The following AUTS2 variants were observed in gnomAD, a reference collection of about 807,000 sequenced individuals.
AUTS2 encodes the protein activator of transcription and developmental regulator AUTS2.
AUTS2 carries 17 observed loss-of-function variants against 112.4 expected under a neutral mutation model. The ratio of observed to expected loss-of-function variants is 0.15; its 90% confidence interval spans 0.10 to 0.23. The LOEUF (loss-of-function observed/expected upper bound fraction) is 0.23, where lower values mean the gene tolerates loss of function less well. AUTS2 is among the 10% of genes least tolerant of loss of function. The pLI is 1.00. For missense variants in AUTS2, 1,510 were observed against 1,701.6 expected (o/e 0.89, Z 1.98); for synonymous variants, 751 against 702.7 (o/e 1.07, Z -1.09).
intron 5 of AUTS2, among the ~76,000 whole-genome samples, chr7:70,457,254 C>T (rs748062667): frequency 3.9e-5 from 6 of 152,172 alleles, no homozygotes; most frequent in African/African-American, 9.7e-5. Flanking sequence ...CACCTGTAAA[C>T]GGGGCTCACT....
chr7:70,169,304 G>A (rs993771640), intron 4 of AUTS2, among the ~76,000 whole-genome samples: 1 of 151,946 alleles, frequency 6.6e-6, no homozygotes, highest in Non-Finnish European at 1.5e-5. Flanking sequence ...GCAGTGTCGC[G>A]ATCTTGGCTC....
At chr7:70,004,285 T>TATGTGAATATATTATATATTCATATA (rs1799417160) in intron 2 of AUTS2, among the ~76,000 whole-genome samples, 21 of 132,968 alleles carry the variant, frequency 1.6e-4, no homozygotes, top group South Asian at 9.5e-4. Context: ...GAATGTGTTA[T>TATGTGAATATATTATATATTCATATA]ATATGAATAT....
In AUTS2 at chr7:70,670,917, G is replaced by A. The variant is rs552979772; in HGVS notation, c.691-27652G>A. ...CGGGGTGCGGTGGCTCACGCATGTA[G>A]TCCCAGCATTTTGGGAGGCCGAGGC... On this transcript the variant is annotated intron_variant, in intron 5 of 18. Coordinates refer to ENST00000342771, the MANE Select transcript of AUTS2 (RefSeq NM_015570.4). Among the ~76,000 whole-genome samples, 12 of 152,276 alleles carry A rather than the reference G, an allele frequency of 7.9e-5. No homozygotes were observed. In the East Asian group the frequency reaches 2.1e-3, roughly 27 times the overall value.
At chr7:69,733,579 G>A (rs1002562261) in intron 1 of AUTS2, among the ~76,000 whole-genome samples, 1 of 148,484 alleles carries the variant, frequency 6.7e-6, no homozygotes, top group Non-Finnish European at 1.5e-5. Context: ...ACCCCATTGA[G>A]ATGGTTTAAA....
At chr7:70,427,893 G>A (rs1452488470) in intron 4 of AUTS2, among the ~76,000 whole-genome samples, 4 of 152,180 alleles carry the variant, frequency 2.6e-5, no homozygotes, top group East Asian at 3.9e-4. Flanking sequence ...TATCAGTACC[G>A]AATTCCAGAG....
At chr7:70,321,328 A>G (rs1790243714) in intron 4 of AUTS2, among the ~76,000 whole-genome samples, 1 of 152,152 alleles carries the variant, frequency 6.6e-6, no homozygotes, top group South Asian at 2.1e-4. Context: ...AATTCAGCAT[A>G]TTTTCATATT....
chr7:69,953,831 C>G (rs1797117933), intron 2 of AUTS2, among the ~76,000 whole-genome samples: 1 of 152,174 alleles, frequency 6.6e-6, no homozygotes, highest in South Asian at 2.1e-4. Context: ...CCCCCAACTA[C>G]TTTCAGCTGG....
At chr7:70,623,973 C>A (rs985137800) in intron 5 of AUTS2, among the ~76,000 whole-genome samples, 1 of 152,224 alleles carries the variant, frequency 6.6e-6, no homozygotes, top group African/African-American at 2.4e-5. Context: ...GGGAGATACT[C>A]CCTCTCTCTG....
chr7:70,073,510 C>CAAAAA (rs778228658), intron 2 of AUTS2, among the ~76,000 whole-genome samples: 1 of 65,212 alleles, frequency 1.5e-5, no homozygotes, highest in Non-Finnish European at 3.2e-5. Context: ...GACCTCATCT[C>CAAAAA]AAAAAAAAAA....
rs553779845 is a variant in AUTS2, at chr7:70,594,187, C to T, written c.691-104382C>T. ...GGGAGGGGCGGCACTTTTTGATACA[C>T]GGTGCAACTTGCCCACTTTGACCCT... On this transcript the variant is annotated intron_variant, in intron 5 of 18. Coordinates refer to ENST00000342771, the MANE Select transcript of AUTS2 (RefSeq NM_015570.4). Among the ~76,000 whole-genome samples, 4 of 152,304 alleles carry T rather than the reference C, an allele frequency of 2.6e-5. No homozygotes were observed. In the South Asian group the frequency reaches 8.3e-4, roughly 32 times the overall value.
At chr7:70,598,424 A>G (rs1180903191) in intron 5 of AUTS2, among the ~76,000 whole-genome samples, 4 of 152,222 alleles carry the variant, frequency 2.6e-5, no homozygotes, top group Admixed American at 6.5e-5. Flanking sequence ...TGAAGATACA[A>G]CACGGATGGA....
At chr7:70,582,094 T>A (rs532477356) in intron 5 of AUTS2, among the ~76,000 whole-genome samples, 2 of 151,764 alleles carry the variant, frequency 1.3e-5, no homozygotes, top group Non-Finnish European at 2.9e-5. Context: ...GTCAAACATC[T>A]AGTTGGTAGT....
In AUTS2 at chr7:69,964,833, C is replaced by A. The variant is rs566925964; in HGVS notation, c.522+65335C>A. On this transcript the variant is annotated intron_variant, in intron 2 of 18. Transcript: ENST00000342771. ...AGTTGTCACTCTGTCACCTTACCTT[C>A]CAACCCCATAATTCCTGTGAAACCC... is the stretch of plus-strand genomic sequence containing the variant. Among the ~76,000 whole-genome samples, 6 of 152,090 alleles carry A rather than the reference C, an allele frequency of 3.9e-5. No homozygotes were observed. In the East Asian group the frequency reaches 1.2e-3, roughly 29 times the overall value.
chr7:70,222,499 A>G (rs1811538365), intron 4 of AUTS2, among the ~76,000 whole-genome samples: 1 of 152,216 alleles, frequency 6.6e-6, no homozygotes, highest in Non-Finnish European at 1.5e-5. Context: ...TTATGAAACA[A>G]TATCTTTTTA....
chr7:70,680,343 C>T (rs1808144843), intron 5 of AUTS2, among the ~76,000 whole-genome samples: 1 of 152,178 alleles, frequency 6.6e-6, no homozygotes, highest in Admixed American at 6.5e-5. Flanking sequence ...ACCTGACTTA[C>T]CCAAAGTCAT....
chr7:69,906,405 T>C (rs1795150184), intron 2 of AUTS2, among the ~76,000 whole-genome samples: 2 of 151,902 alleles, frequency 1.3e-5, no homozygotes, highest in Admixed American at 1.3e-4. Context: ...AGGAGATGGG[T>C]GTCTGTGTGG....
In AUTS2 at chr7:70,763,194, C is replaced by T; in HGVS notation, c.1067C>T (p.Pro356Leu). 6.2e-7 allele frequency: 1 copy of T among 1,614,080 alleles called. No homozygotes were observed. The highest frequency in any genetic ancestry group is 1.1e-5 in the South Asian group (1 of 91,074). Residue 356 changes from proline (P) to leucine (L), a missense_variant, in exon 7 of 19, where the codon CCT (proline) becomes CTT (leucine). Around this residue, in one of 3 missense-constraint regions of AUTS2, gnomAD observed 535 missense variants for 594.3 expected, o/e 0.90. Coordinates refer to ENST00000342771, the MANE Select transcript of AUTS2 (RefSeq NM_015570.4). ...GCCCAGCTCCAGCCTGCCCCGCAGC[C>T]TCAGGTGCAGAGGCCACCCAGGCCA... ...PEAQLQPAPQ[P>L]QVQRPPRPQS...
At chr7:70,637,000 C>T (rs560003639) in intron 5 of AUTS2, among the ~76,000 whole-genome samples, 2 of 152,124 alleles carry the variant, frequency 1.3e-5, no homozygotes, top group Non-Finnish European at 2.9e-5. Context: ...TTATGTTTAT[C>T]GAACACCTGC....
Position 70,775,881 on chromosome 7 carries a change from G to A in AUTS2, c.1932+495G>A, listed in dbSNP as rs568263948. Among the ~76,000 whole-genome samples, 358 of 152,288 alleles carry A rather than the reference G, an allele frequency of 2.4e-3. 1 individual carries two copies. Among genetic ancestry groups the A allele is most frequent in the African/African-American group, 8.0e-3 (331 of 41,548 alleles). On this transcript the variant is annotated intron_variant, in intron 13 of 18. Coordinates refer to ENST00000342771, the MANE Select transcript of AUTS2 (RefSeq NM_015570.4). ...ATCTTGCTTAAAGCAAATTGTTCTC[G>A]AGGTCTGGAGACTGGCCAGTGTGAT...
Sources: allele counts gnomAD v4.1 joint callset (sites outside exome capture counted in the v4.1 genomes callset), GRCh38; gene constraint gnomAD v4.1.1; regional missense constraint gnomAD v4.1.1; transcripts MANE v1.5; gene names NCBI Gene and HGNC (gene_info 2026-07-23, HGNC 2026-07-21).